TICRR: variants seen among roughly 807,000 people sequenced by gnomAD.
TICRR encodes TOPBP1 interacting checkpoint and replication regulator, also known as treslin.
In TICRR, 132 loss-of-function variants were observed where a neutral mutation model predicts 178.1. The observed-to-expected ratio is 0.74, with a 90% CI of 0.64 to 0.86. The LOEUF (loss-of-function observed/expected upper bound fraction) is 0.86. Ranked by LOEUF, TICRR falls within the 40% of genes least tolerant of loss-of-function variation. TICRR has a pLI of 0.00. For synonymous variants in TICRR, 991 were observed against 900.7 expected, an observed-to-expected ratio of 1.10 and a Z score of -1.79; for missense variants, 2,587 against 2,334.3, an observed-to-expected ratio of 1.11 and a Z score of -2.23.
At chr15:89,599,055 A>G (rs1323943685) in intron 7 of TICRR, among the ~76,000 whole-genome samples, 1 of 152,022 alleles carries the variant, frequency 6.6e-6, no homozygotes, top group Non-Finnish European at 1.5e-5. Context: ...GTAGTTTCTC[A>G]GTCTCTGGAC....
chr15:89,617,662 C>T (rs192923404), intron 16 of TICRR, among the ~76,000 whole-genome samples: 137 of 148,554 alleles, frequency 9.2e-4, no homozygotes, highest in African/African-American at 2.9e-3. Context: ...AGCTGAACTA[C>T]AGGTGTGTGC....
chr15:89,611,213 G>A (rs1286443030), intron 15 of TICRR, among the ~76,000 whole-genome samples: 1 of 151,914 alleles, frequency 6.6e-6, no homozygotes, highest in Non-Finnish European at 1.5e-5. Flanking sequence ...AACTCCCTCA[G>A]CTTTTATCTA....
At chr15:89,621,609 C>A in intron 19 of TICRR, 59 bp downstream of exon 19, 4 of 1,434,628 alleles carry the variant, frequency 2.8e-6, no homozygotes, top group South Asian at 2.6e-5. Context: ...GAGACATGGC[C>A]AAGGAACTCA....
Position 89,575,559 on chromosome 15 carries a change from G to T in TICRR, c.-28G>T. The T allele has an allele frequency of 6.9e-7, 1 of 1,448,506 alleles. No individual in the cohort carries two copies. Among genetic ancestry groups the T allele is most frequent in the South Asian group, 1.5e-5 (1 of 67,940 alleles). 89.7% of individuals were successfully genotyped at this position (1,448,506 alleles called of 1,614,324 possible). ...AGGGACGGTGGCGCGGGCCCGGACC[G>T]GGGCCCCGGGGCGGCGGCACGGCCG... On this transcript the variant is annotated 5_prime_UTR_variant, in exon 1 of 22. Transcript: ENST00000268138.
chr15:89,614,317 A>ATT (rs1170845165), intron 15 of TICRR, among the ~76,000 whole-genome samples: 2,681 of 136,292 alleles, frequency 0.02, 85 homozygotes, highest in African/African-American at 0.064. Context: ...TGACAACTGG[A>ATT]TTTTTTTTTT....
chr15:89,599,070 G>C (rs1432535418), intron 7 of TICRR, among the ~76,000 whole-genome samples: 2 of 151,902 alleles, frequency 1.3e-5, no homozygotes. Flanking sequence ...CTGGACTATT[G>C]ACATTTTAGA....
At chr15:89,587,066 G>A (rs966595846) in intron 4 of TICRR, among the ~76,000 whole-genome samples, 2 of 152,220 alleles carry the variant, frequency 1.3e-5, no homozygotes, top group African/African-American at 2.4e-5. Context: ...TAGGGAGTTG[G>A]AAGTAGTTGG....
rs1963462842 is a variant in TICRR at position 89,623,776 on chromosome 15, T to C, written c.3466T>C (p.Ser1156Pro). The C allele has an allele frequency of 1.2e-6, 2 of 1,611,530 alleles. No homozygotes were observed. The highest frequency in any genetic ancestry group is 3.3e-5 in the Admixed American group (2 of 59,814). ...TPTKQAAFKE[S>P]LKDSSSPGHD... ...TACAAAGCAGGCAGCTTTTAAGGAGTCCTTAAAAGACTCCTCCTCACCCGG... is the reference window on the plus strand; with the variant it reads ...TACAAAGCAGGCAGCTTTTAAGGAGCCCTTAAAAGACTCCTCCTCACCCGG... The change falls in exon 20 of 22, where the codon TCC becomes CCC. Residue 1156 changes from serine (S) to proline (P), a missense_variant. Physicochemically the swap from Ser to Pro is moderately conservative, Grantham distance 74. Transcript: ENST00000268138.
intron 7 of TICRR, among the ~76,000 whole-genome samples, chr15:89,598,142 GTTTGTTTTT>G (rs1442832801): frequency 6.1e-5 from 6 of 97,704 alleles, no homozygotes; most frequent in Middle Eastern, 4.6e-3. Flanking sequence ...TTGTTTGTTT[GTTTGTTTTT>G]TTTAGTAGAG....
rs1402295361 is a variant in TICRR, at chr15:89,609,037, A to G, written c.2869+88A>G. 7 of 1,221,554 alleles carry G rather than the reference A, an allele frequency of 5.7e-6. No homozygotes were observed. The African/African-American group carries it at 1.1e-4, about 20-fold the overall frequency. The allele number at this position is 1,221,554 out of a possible 1,614,324, so 75.7% of individuals were successfully genotyped here. The stretch of plus-strand genomic sequence containing the variant: ...TACCGTCTTTCTTTCCTGATTTAGT[A>G]ATTTGAGTCTTCTTCCCTCTTTTTT... On this transcript the variant is annotated intron_variant, in intron 15 of 21. Transcript: ENST00000268138.
In TICRR at chr15:89,585,800, C is replaced by T. The variant is rs747948490; in HGVS notation, c.1269C>T (p.Arg423=). The change falls in exon 4 of 22, where the codon CGC becomes CGT. Residue 423 remains arginine, a synonymous_variant. Transcript: ENST00000268138. ...SASAMILTVC[R]TKEAEFQRHV... is the part of the protein sequence containing the mutation. ...GTGCTATGATCCTCACTGTGTGCCG[C>T]ACCAAGGAGGCTGAATTTCAACGAC... The T allele has an allele frequency of 8.1e-6, 13 of 1,614,154 alleles. No individual in the cohort carries two copies. The highest frequency in any genetic ancestry group is 2.2e-5 in the East Asian group (1 of 44,880).
At position 89,621,494 on chromosome 15, in the gene TICRR, C is replaced by A; in HGVS notation, c.3256C>A (p.Arg1086=). 11 of 1,613,924 alleles carry A rather than the reference C, an allele frequency of 6.8e-6. No individual in the cohort carries two copies. Among genetic ancestry groups the A allele is most frequent in the Non-Finnish European group, 8.5e-6 (10 of 1,179,942 alleles). ...CAGCCCCTCAGAAAAGGGTTCAGCT[C>A]GAATGAAAAAGCGTTCAAGAAACAC... The part of the protein sequence containing the change: ...MISPSEKGSA[R]MKKRSRNTLD... Residue 1086 remains arginine (R), a synonymous_variant, in exon 19 of 22, where the codon CGA becomes AGA. Transcript: ENST00000268138.
chr15:89,591,964 C>G lies in TICRR; in HGVS notation c.1412-83C>G, dbSNP rs768998231. On this transcript the variant is annotated intron_variant, in intron 4 of 21. Transcript: ENST00000268138. ...GTCCTTTGGAGGGATGCAGTCAGTC[C>G]AGGGGAGGAGCAAGTGCTTAGAATT... The G allele has an allele frequency of 7.5e-6, 10 of 1,331,172 alleles. No individual in the cohort carries two copies. The South Asian group carries it at 1.3e-4, about 17-fold the overall frequency. 82.5% of individuals were successfully genotyped at this position (1,331,172 alleles called of 1,614,324 possible). A position where few individuals can be genotyped will look rare whatever the true frequency, so the allele number is the denominator to read the frequency against.
intron 4 of TICRR, among the ~76,000 whole-genome samples, chr15:89,590,597 A>G (rs536869435): frequency 2.8e-4 from 43 of 152,320 alleles, no homozygotes; most frequent in African/African-American, 9.9e-4. Flanking sequence ...ACCATGCTCC[A>G]TCTGGGTGAG....
chr15:89,595,093 T>C (rs77505484), intron 6 of TICRR, among the ~76,000 whole-genome samples: 3,056 of 152,292 alleles, frequency 0.02, 91 homozygotes, highest in African/African-American at 0.065. Context: ...TTCGTGGCCA[T>C]TGGGTAACAC....
rs781648451 is a variant in TICRR, at chr15:89,594,487, C to T, written c.1614C>T (p.Ala538=). 1.5e-5 allele frequency: 25 copies of T among 1,612,990 alleles called. No individual in the cohort carries two copies. Among genetic ancestry groups the T allele is most frequent in the South Asian group, 9.9e-5 (9 of 90,944 alleles). Residue 538 remains alanine, a synonymous_variant, in exon 6 of 22, where the codon GCC becomes GCT. Coordinates refer to ENST00000268138, the MANE Select transcript of TICRR (RefSeq NM_152259.4). ...AAGGCGAATTAATACATTGCCTTGC[C>T]GAGCTCTACCAGAGAAAATCTCGTG... ...KTEGELIHCL[A]ELYQRKSREE... is the part of the protein sequence containing the mutation.
intron 13 of TICRR, 91 bp downstream of exon 13, chr15:89,602,983 A>C: frequency 2.0e-6 from 1 of 508,166 alleles, no homozygotes; most frequent in Non-Finnish European, 3.3e-6. Flanking sequence ...TGGAGGATAC[A>C]GAAATAATAT....
intron 15 of TICRR, among the ~76,000 whole-genome samples, chr15:89,610,371 C>T (rs954201193): frequency 6.6e-6 from 1 of 152,148 alleles, no homozygotes; most frequent in Non-Finnish European, 1.5e-5. Flanking sequence ...ATTTCTGCTT[C>T]ATGTATTTTG....
intron 7 of TICRR, 103 bp downstream of exon 7, chr15:89,595,714 A>G: frequency 1.3e-6 from 1 of 778,386 alleles, no homozygotes; most frequent in Admixed American, 2.6e-5. Context: ...ATGCACAAAA[A>G]GGTGTTATGG....
Sources: gnomAD v4.1 joint callset for allele counts (sites outside exome capture counted in the v4.1 genomes callset) on GRCh38, gnomAD v4.1.1 for gene constraint, MANE v1.5 for transcripts, NCBI Gene and HGNC (gene_info 2026-07-23, HGNC 2026-07-21) for gene names.